The following SEMA6A variants were observed in gnomAD, a reference collection of about 807,000 sequenced individuals.
SEMA6A encodes semaphorin 6A, also known as semaphorin-6A.
SEMA6A carries 25 observed loss-of-function variants against 96.8 expected under a neutral mutation model. The observed-to-expected ratio is 0.26, with a 90% confidence interval of 0.19 to 0.36. The LOEUF is 0.36. Ranked by LOEUF, SEMA6A falls within the 10% of genes least tolerant of loss-of-function variation. The probability of loss-of-function intolerance (pLI) is 1.00; values close to 1 mark genes in which losing one functional copy is unlikely to be tolerated. For missense variants in SEMA6A, 1,363 were observed against 1,323.1 expected, an observed-to-expected ratio of 1.03 and a Z score of -0.47; for synonymous variants, 612 against 518.0, an observed-to-expected ratio of 1.18 and a Z score of -2.46.
intron 1 of SEMA6A, among the ~76,000 whole-genome samples, chr5:116,528,912 G>A (rs1005532337): frequency 1.3e-5 from 2 of 152,152 alleles, no homozygotes; most frequent in Non-Finnish European, 2.9e-5. Context: ...GCCTGACCCT[G>A]TGTCACTTTG....
chr5:116,477,806 G>A, intron 15 of SEMA6A, 40 bp downstream of exon 15: 1 of 1,597,634 alleles, frequency 6.3e-7, no homozygotes, highest in Non-Finnish European at 8.6e-7. Flanking sequence ...CACCTTGGCT[G>A]GAAGCCACTT....
chr5:116,474,431 T>C (rs150289578), intron 16 of SEMA6A, among the ~76,000 whole-genome samples: 1 of 152,320 alleles, frequency 6.6e-6, no homozygotes, highest in East Asian at 1.9e-4. Context: ...ATACATCTTT[T>C]AGTGATGACA....
rs939852611 is a variant in SEMA6A at position 116,493,168 on chromosome 5, T to G, written c.445-1338A>C. ...GTGTAGAATCATGGGAAATGGAACATGTACAGGAAGAATAAGCCAGACCAT... is the reference window on the plus strand; with the variant it reads ...GTGTAGAATCATGGGAAATGGAACAGGTACAGGAAGAATAAGCCAGACCAT... On this transcript the variant is annotated intron_variant, in intron 6 of 18. Coordinates refer to ENST00000343348, the MANE Select transcript of SEMA6A (RefSeq NM_020796.5). 3.3e-5 allele frequency among the ~76,000 whole-genome samples: 5 copies of G among 152,144 alleles called. No individual in the cohort carries two copies. In the East Asian group the frequency reaches 5.8e-4, roughly 18 times the overall value.
chr5:116,495,681 C>G (rs1352686773), intron 5 of SEMA6A, 167 bp from the exon 6 acceptor site: 2 of 563,420 alleles, frequency 3.5e-6, no homozygotes, highest in Non-Finnish European at 6.3e-6. Context: ...ATGATGCCGA[C>G]ATCAACGATT....
chr5:116,509,859 C>G (rs1365047731), intron 1 of SEMA6A, among the ~76,000 whole-genome samples: 2 of 152,170 alleles, frequency 1.3e-5, no homozygotes, highest in African/African-American at 2.4e-5. Flanking sequence ...GAGATCACCA[C>G]AGAGGGCAGG....
At chr5:116,535,879 A>G (rs1759686530) in intron 1 of SEMA6A, among the ~76,000 whole-genome samples, 1 of 152,254 alleles carries the variant, frequency 6.6e-6, no homozygotes, top group Non-Finnish European at 1.5e-5. Flanking sequence ...CTAAAGCAAG[A>G]AGATATGCTG....
At chr5:116,519,476 CT>C (rs981298801) in intron 1 of SEMA6A, among the ~76,000 whole-genome samples, 1 of 152,134 alleles carries the variant, frequency 6.6e-6, no homozygotes, top group Non-Finnish European at 1.5e-5. Context: ...AGTAATTTTC[CT>C]GTACTCATTC....
intron 10 of SEMA6A, among the ~76,000 whole-genome samples, chr5:116,483,262 G>C (rs1284773167): frequency 6.6e-6 from 1 of 152,134 alleles, no homozygotes; most frequent in Non-Finnish European, 1.5e-5. Flanking sequence ...GAAGGACTTA[G>C]GCTTCTTTTT....
chr5:116,454,858 G>A (rs969947713), intron 18 of SEMA6A, among the ~76,000 whole-genome samples: 1 of 151,846 alleles, frequency 6.6e-6, no homozygotes, highest in African/African-American at 2.4e-5. Flanking sequence ...TTCCTGGCAG[G>A]CTACAGATTA....
intron 6 of SEMA6A, 142 bp downstream of exon 6, chr5:116,495,271 T>C: frequency 1.5e-6 from 1 of 681,614 alleles, no homozygotes; most frequent in African/African-American, 1.8e-5. Flanking sequence ...GGATCACTCA[T>C]GTGGAGCAAT....
At chr5:116,470,306 A>G (rs1756040584) in intron 17 of SEMA6A, among the ~76,000 whole-genome samples, 1 of 152,224 alleles carries the variant, frequency 6.6e-6, no homozygotes, top group Non-Finnish European at 1.5e-5. Context: ...AAATAATGCT[A>G]CAAAAATAGG....
At chr5:116,485,043 T>C (rs918021203) in intron 10 of SEMA6A, among the ~76,000 whole-genome samples, 1 of 152,084 alleles carries the variant, frequency 6.6e-6, no homozygotes, top group Non-Finnish European at 1.5e-5. Context: ...AGTAGAGGGA[T>C]GAAACCAGAG....
chr5:116,482,571 G>C lies in SEMA6A; in HGVS notation c.967C>G (p.Pro323Ala). ...ATFSTPYNSI[P>A]GSAVCAYDML... ...TCATAGGCACAGACTGCAGACCCAG[G>C]GATGCTACAACATGATATTTCACAT... Residue 323 changes from proline to alanine, a missense_variant, in exon 11 of 19, where the codon CCT becomes GCT. Pro to Ala is a conservative substitution (Grantham distance 27). Around this residue, in one of 2 missense-constraint regions of SEMA6A, gnomAD observed 480 missense variants for 559.5 expected, o/e 0.86. Transcript: ENST00000343348. 6.2e-7 allele frequency: 1 copy of C among 1,613,282 alleles called. No homozygotes were observed. The highest frequency in any genetic ancestry group is 8.5e-7 in the Non-Finnish European group (1 of 1,179,528).
chr5:116,446,474 AGAG>A lies in SEMA6A; in HGVS notation c.*136_*138del. 1.4e-6 allele frequency: 1 copy of A among 702,956 alleles called. No homozygotes were observed. The highest frequency in any genetic ancestry group is 2.2e-6 in the Non-Finnish European group (1 of 452,466). The allele number at this position is 702,956 out of a possible 1,614,324, so 43.5% of individuals were successfully genotyped here. On this transcript the variant is annotated 3_prime_UTR_variant, in exon 19 of 19. Coordinates refer to ENST00000343348, the MANE Select transcript of SEMA6A (RefSeq NM_020796.5). ...TTTCGTGAGTACCCCTGTGTCCCAGAGAGGAGGACCCAGCGTCCTCGGCTCTGC... is the reference window on the plus strand; with the variant it reads ...TTTCGTGAGTACCCCTGTGTCCCAGAGAGGACCCAGCGTCCTCGGCTCTGC...
chr5:116,500,937 G>C (rs973979672), intron 3 of SEMA6A, among the ~76,000 whole-genome samples: 1 of 152,104 alleles, frequency 6.6e-6, no homozygotes, highest in Non-Finnish European at 1.5e-5. Context: ...ACCCTGGTGC[G>C]GGGGAGGAGG....
rs1414156680 is a variant in SEMA6A, at chr5:116,504,906, T to C, written c.39A>G (p.Leu13=). 6.2e-7 allele frequency: 1 copy of C among 1,603,956 alleles called. No homozygotes were observed. The highest frequency in any genetic ancestry group is 8.5e-7 in the Non-Finnish European group (1 of 1,175,172). ...SEALLLYFTL[L]HFAGAGFPED... Reference sequence around the variant, plus strand: ...CTGGGAAACCAGCCCCAGCAAAGTGTAGCAGTGTGAAATATAGCAGCAAGG... The same window carrying C: ...CTGGGAAACCAGCCCCAGCAAAGTGCAGCAGTGTGAAATATAGCAGCAAGG... The change falls in exon 2 of 19, where the codon CTA becomes CTG. Residue 13 remains leucine, a synonymous_variant. Transcript: ENST00000343348.
intron 15 of SEMA6A, 47 bp from the exon 16 acceptor site, chr5:116,475,650 G>T (rs374199780): frequency 2.2e-6 from 3 of 1,393,556 alleles, no homozygotes; most frequent in Non-Finnish European, 3.0e-6. Context: ...ATACAATAAC[G>T]TGAGTCTTCA....
chr5:116,517,609 C>T (rs1758731897), intron 1 of SEMA6A, among the ~76,000 whole-genome samples: 1 of 152,148 alleles, frequency 6.6e-6, no homozygotes, highest in South Asian at 2.1e-4. Flanking sequence ...GACAGTTTTC[C>T]AGGCCCCTCT....
intron 1 of SEMA6A, among the ~76,000 whole-genome samples, chr5:116,512,202 A>C (rs530320762): frequency 6.6e-6 from 1 of 152,304 alleles, no homozygotes; most frequent in African/African-American, 2.4e-5. Flanking sequence ...TCGTAATTAG[A>C]AACAACCTGG....
Sources: gnomAD v4.1 joint callset for allele counts (sites outside exome capture counted in the v4.1 genomes callset) on GRCh38, gnomAD v4.1.1 for gene constraint, gnomAD v4.1.1 regional missense constraint, MANE v1.5 for transcripts, NCBI Gene and HGNC (gene_info 2026-07-23, HGNC 2026-07-21) for gene names.